Variants in CACNA2D3 observed in about 807,000 individuals in gnomAD.
The protein encoded by CACNA2D3 is voltage-dependent calcium channel subunit alpha-2/delta-3.
CACNA2D3 carries 60 observed loss-of-function variants against 160.6 expected under a neutral mutation model. That is an observed-to-expected ratio of 0.37 (90% CI 0.30 to 0.46). CACNA2D3 has a LOEUF of 0.46. Among genes scored for constraint, CACNA2D3 ranks in the 20% least tolerant of loss-of-function variants. The probability of loss-of-function intolerance (pLI) is 1.00; values close to 1 mark genes in which losing one functional copy is unlikely to be tolerated. For missense variants in CACNA2D3, 1,205 were observed against 1,365.0 expected, an observed-to-expected ratio of 0.88 and a Z score of 1.85; for synonymous variants, 558 against 492.9, an observed-to-expected ratio of 1.13 and a Z score of -1.75.
At chr3:54,800,764 A>G (rs1702966918) in intron 13 of CACNA2D3, among the ~76,000 whole-genome samples, 1 of 152,292 alleles carries the variant, frequency 6.6e-6, no homozygotes, top group East Asian at 1.9e-4. Flanking sequence ...AGATCTTTTC[A>G]TTCAAAATTA....
Position 54,637,949 on chromosome 3 carries a change from C to T in CACNA2D3, c.1054-4179C>T, listed in dbSNP as rs908349916. On this transcript the variant is annotated intron_variant, in intron 10 of 37. Transcript: ENST00000474759. ...AGATTTCCGGCATGTGTAGCAAGTT[C>T]CTGGGGGAGGAGGTTCTGGAGAAAC... The T allele has an allele frequency of 4.6e-5, 7 of 152,010 alleles. 1 individual carries two copies. The highest frequency in any genetic ancestry group is 1.7e-4 in the African/African-American group (7 of 41,292). 9.4% of individuals were successfully genotyped at this position (152,010 alleles called of 1,614,324 possible).
intron 2 of CACNA2D3, among the ~76,000 whole-genome samples, chr3:54,196,185 T>C (rs1701077019): frequency 6.6e-6 from 1 of 152,286 alleles, no homozygotes; most frequent in Admixed American, 6.5e-5. Context: ...TACTTTATTC[T>C]AAACCATTTG....
chr3:54,968,388 T>C, intron 27 of CACNA2D3, 62 bp from the exon 28 acceptor site: 2 of 1,118,914 alleles, frequency 1.8e-6, no homozygotes, highest in East Asian at 5.0e-5. Context: ...TTTTCAACGA[T>C]AATCTTAAAT....
intron 3 of CACNA2D3, among the ~76,000 whole-genome samples, chr3:54,327,322 G>A (rs1032994864): frequency 3.3e-5 from 5 of 152,226 alleles, no homozygotes; most frequent in African/African-American, 1.2e-4. Flanking sequence ...ACTTGTATGT[G>A]TAATTTCATG....
At chr3:55,072,661 A>AT (rs1704837462) in intron 35 of CACNA2D3, among the ~76,000 whole-genome samples, 1 of 152,248 alleles carries the variant, frequency 6.6e-6, no homozygotes, top group Admixed American at 6.5e-5. Flanking sequence ...AGAATATGAG[A>AT]TTTTGATCCC....
At chr3:54,882,023 G>A (rs958039791) in intron 21 of CACNA2D3, among the ~76,000 whole-genome samples, 2 of 152,216 alleles carry the variant, frequency 1.3e-5, no homozygotes, top group Non-Finnish European at 2.9e-5. Context: ...CTCACTGTGA[G>A]CTGGGCACAA....
At chr3:55,040,760 TTCGTTA>T (rs2107190651) in intron 35 of CACNA2D3, among the ~76,000 whole-genome samples, 1 of 152,300 alleles carries the variant, frequency 6.6e-6, no homozygotes, top group East Asian at 1.9e-4. Context: ...AGGAGGGTTT[TTCGTTA>T]TTGTTATTTT....
chr3:54,142,004 C>A (rs1294943114), intron 2 of CACNA2D3, among the ~76,000 whole-genome samples: 1 of 152,210 alleles, frequency 6.6e-6, no homozygotes, highest in Non-Finnish European at 1.5e-5. Context: ...AGTCTCCTTG[C>A]AGTTCCATGA....
At chr3:54,867,602 A>C (rs992088598) in intron 17 of CACNA2D3, among the ~76,000 whole-genome samples, 4 of 151,596 alleles carry the variant, frequency 2.6e-5, no homozygotes, top group Non-Finnish European at 4.4e-5. Context: ...GAAACATCCA[A>C]GGATTTCAGG....
intron 4 of CACNA2D3, among the ~76,000 whole-genome samples, chr3:54,446,731 G>A (rs925959136): frequency 2.0e-5 from 3 of 152,086 alleles, no homozygotes; most frequent in African/African-American, 7.2e-5. Flanking sequence ...AATCTAGCCT[G>A]AGGATGTCGT....
intron 25 of CACNA2D3, 72 bp downstream of exon 25, chr3:54,891,522 C>A: frequency 1.7e-6 from 2 of 1,173,508 alleles, no homozygotes; most frequent in South Asian, 1.3e-5. Flanking sequence ...AAGCTTATTT[C>A]ATTTCTTGAT....
Position 54,822,819 on chromosome 3 carries a change from CTTTCTTTCTTTCT to C in CACNA2D3, c.1398+5965_1398+5977del, listed in dbSNP as rs1559595778. Among the ~76,000 whole-genome samples the C allele has an allele frequency of 5.3e-4, 51 of 96,124 alleles. 4 individuals carry two copies. Among genetic ancestry groups the C allele is most frequent in the Middle Eastern group, 5.1e-3 (1 of 198 alleles). The allele number at this position is 96,124 out of a possible 152,430, so 63.1% of individuals were successfully genotyped here. ...TCTTTCTTTCTTTCTTTCTTTCTTTCTTTCTTTCTTTCTTTTCTTTCTTTCTTTCTTTCTTTCT... is the reference window on the plus strand; with the variant it reads ...TCTTTCTTTCTTTCTTTCTTTCTTTCTTTCTTTCTTTCTTTCTTTCTTTCT... On this transcript the variant is annotated intron_variant, in intron 14 of 37. Transcript: ENST00000474759.
intron 11 of CACNA2D3, among the ~76,000 whole-genome samples, chr3:54,744,389 G>A (rs2107050693): frequency 6.6e-6 from 1 of 152,298 alleles, no homozygotes; most frequent in Non-Finnish European, 1.5e-5. Context: ...TTTTGGTGGA[G>A]GAAATGCCCC....
intron 4 of CACNA2D3, among the ~76,000 whole-genome samples, chr3:54,451,310 C>T (rs968589105): frequency 4.3e-5 from 5 of 117,360 alleles, no homozygotes; most frequent in East Asian, 5.6e-4. Flanking sequence ...AGTGCAGTGG[C>T]GCAATCTTGG....
Position 54,464,491 on chromosome 3 carries a change from C to A in CACNA2D3, c.382-39001C>A, listed in dbSNP as rs373957729. The stretch of plus-strand genomic sequence containing the variant: ...GCCTGGGCAATGGCGAGCGCCCCTC[C>A]CCCAGCCTCGCTGCCACCTTGCAGT... On this transcript the variant is annotated intron_variant, in intron 4 of 37. Transcript: ENST00000474759. Among the ~76,000 whole-genome samples, 10 of 152,370 alleles carry A rather than the reference C, an allele frequency of 6.6e-5. No individual in the cohort carries two copies. In the East Asian group the frequency reaches 1.9e-3, roughly 29 times the overall value.
At chr3:54,309,531 A>G (rs1468346121) in intron 2 of CACNA2D3, among the ~76,000 whole-genome samples, 1 of 152,042 alleles carries the variant, frequency 6.6e-6, no homozygotes, top group Non-Finnish European at 1.5e-5. Context: ...TCTGTCAGAG[A>G]CCACCCATGG....
chr3:54,777,870 C>T (rs1237798941), intron 13 of CACNA2D3, among the ~76,000 whole-genome samples: 1 of 152,208 alleles, frequency 6.6e-6, no homozygotes, highest in Admixed American at 6.5e-5. Flanking sequence ...ATGACTTTTT[C>T]TGTCTGCCTC....
chr3:54,302,335 G>A (rs1471514892), intron 2 of CACNA2D3, among the ~76,000 whole-genome samples: 2 of 152,190 alleles, frequency 1.3e-5, no homozygotes, highest in African/African-American at 4.8e-5. Flanking sequence ...AGTGGTTGGT[G>A]TAGCTCAGGG....
chr3:54,908,141 C>T (rs1700484829), intron 27 of CACNA2D3, among the ~76,000 whole-genome samples: 1 of 152,152 alleles, frequency 6.6e-6, no homozygotes, highest in Non-Finnish European at 1.5e-5. Context: ...AACTGTTTTC[C>T]AAAGTGGCTG....
Sources: gnomAD v4.1 joint callset for allele counts (sites outside exome capture counted in the v4.1 genomes callset) on GRCh38, gnomAD v4.1.1 for gene constraint, MANE v1.5 for transcripts, NCBI Gene and HGNC (gene_info 2026-07-23, HGNC 2026-07-21) for gene names.